Variants in LRRN2 observed in about 807,000 individuals in gnomAD.
LRRN2 encodes the protein leucine rich repeat neuronal 2.
LRRN2 carries 10 observed loss-of-function variants against 35.7 expected under a neutral mutation model. The observed-to-expected ratio is 0.28, with a 90% confidence interval of 0.17 to 0.47. The LOEUF (loss-of-function observed/expected upper bound fraction) is 0.47, where lower values mean the gene tolerates loss of function less well. Among genes scored for constraint, LRRN2 ranks in the 20% least tolerant of loss-of-function variants. The pLI is 0.99. For synonymous variants in LRRN2, 391 were observed against 409.6 expected (o/e 0.95, Z 0.55); for missense variants, 731 against 940.3 (o/e 0.78, Z 2.91).
rs79170731 is a variant in LRRN2, at chr1:204,647,318, T to C, written c.-226-27100A>G. Among the ~76,000 whole-genome samples the C allele has an allele frequency of 5.4e-3, 827 of 152,300 alleles. 13 individuals are homozygous for C. The highest frequency in any genetic ancestry group is 0.019 in the African/African-American group (776 of 41,546). ...AAGATGCATTCCACAGTATATTAGATACCACCACACTGTTACCCACATCTG... is the reference window on the plus strand; with the variant it reads ...AAGATGCATTCCACAGTATATTAGACACCACCACACTGTTACCCACATCTG... On this transcript the variant is annotated intron_variant, in intron 1 of 1. Transcript: ENST00000367177.
chr1:204,643,132 C>T (rs780910967), intron 1 of LRRN2, among the ~76,000 whole-genome samples: 1 of 152,228 alleles, frequency 6.6e-6, no homozygotes, highest in Non-Finnish European at 1.5e-5. Flanking sequence ...ACAATTACTT[C>T]ATCTGAGTTA....
chr1:204,684,318 G>A (rs540308555), intron 1 of LRRN2, among the ~76,000 whole-genome samples: 16 of 152,318 alleles, frequency 1.1e-4, no homozygotes, highest in African/African-American at 3.6e-4. Flanking sequence ...CAGTCGCCCA[G>A]TTAGAAGCTG....
At chr1:204,652,689 C>G (rs1287305523) in intron 1 of LRRN2, among the ~76,000 whole-genome samples, 1 of 152,192 alleles carries the variant, frequency 6.6e-6, no homozygotes, top group Non-Finnish European at 1.5e-5. Context: ...ATTTCTCAAA[C>G]TAAGAGCGTG....
At chr1:204,624,902 A>T (rs1166768195) in intron 1 of LRRN2, among the ~76,000 whole-genome samples, 2 of 152,186 alleles carry the variant, frequency 1.3e-5, no homozygotes, top group African/African-American at 2.4e-5. Flanking sequence ...AGCGTTGATA[A>T]ACTCCGGCCT....
intron 1 of LRRN2, 33 bp from the exon 2 acceptor site, chr1:204,620,251 G>T: frequency 1.5e-6 from 2 of 1,378,380 alleles, no homozygotes; most frequent in East Asian, 2.7e-5. Flanking sequence ...TAAGGAGGTT[G>T]CAGAGAAGCA....
intron 1 of LRRN2, chr1:204,626,770 A>C (rs1667405770): frequency 6.6e-6 from 1 of 152,178 alleles, no homozygotes; most frequent in South Asian, 2.1e-4. Context: ...GTGAATCACA[A>C]CCCATTAGTA....
intron 1 of LRRN2, among the ~76,000 whole-genome samples, chr1:204,683,899 G>C (rs148050545): frequency 6.6e-6 from 1 of 152,216 alleles, no homozygotes; most frequent in Non-Finnish European, 1.5e-5. Context: ...ACCCACATGT[G>C]GCTTTTTCTG....
At chr1:204,627,647 A>G (rs1667497162) in intron 1 of LRRN2, among the ~76,000 whole-genome samples, 1 of 152,236 alleles carries the variant, frequency 6.6e-6, no homozygotes, top group African/African-American at 2.4e-5. Context: ...GCACCAAAAA[A>G]GGCTGCAGGG....
intron 1 of LRRN2, among the ~76,000 whole-genome samples, chr1:204,683,777 T>C (rs1387428472): frequency 6.6e-6 from 1 of 152,116 alleles, no homozygotes; most frequent in South Asian, 2.1e-4. Flanking sequence ...AGGAGAAGCC[T>C]GAGTCAGCAC....
chr1:204,679,214 A>T (rs1668886791), intron 1 of LRRN2, among the ~76,000 whole-genome samples: 1 of 152,176 alleles, frequency 6.6e-6, no homozygotes, highest in South Asian at 2.1e-4. Flanking sequence ...GAGTGGTGAC[A>T]GCCAGGCAGG....
chr1:204,650,584 G>T (rs1252546933), intron 1 of LRRN2, among the ~76,000 whole-genome samples: 1 of 152,104 alleles, frequency 6.6e-6, no homozygotes, highest in Non-Finnish European at 1.5e-5. Flanking sequence ...TCCAGGAGGG[G>T]TTGCTTTGCC....
At chr1:204,678,231 G>A (rs1442043005) in intron 1 of LRRN2, among the ~76,000 whole-genome samples, 1 of 152,134 alleles carries the variant, frequency 6.6e-6, no homozygotes, top group Non-Finnish European at 1.5e-5. Context: ...TGCCTCCCCA[G>A]CTGATCAGTA....
chr1:204,675,244 T>C (rs1668801059), intron 1 of LRRN2, among the ~76,000 whole-genome samples: 1 of 152,238 alleles, frequency 6.6e-6, no homozygotes, highest in Admixed American at 6.5e-5. Flanking sequence ...AACTGGGTTC[T>C]GGTCCACCGC....
At chr1:204,624,994 G>A (rs964265931) in intron 1 of LRRN2, among the ~76,000 whole-genome samples, 3 of 152,246 alleles carry the variant, frequency 2.0e-5, no homozygotes, top group Admixed American at 2.0e-4. Context: ...CTGGCCTCCA[G>A]CTCCTCCTGG....
At chr1:204,620,431 T>A in intron 1 of LRRN2, 1 of 196,682 alleles carries the variant, frequency 5.1e-6, no homozygotes, top group Non-Finnish European at 1.1e-5. Flanking sequence ...CTGCCACCAC[T>A]CCTGGCTAAT....
At chr1:204,623,908 G>A (rs1667113355) in intron 1 of LRRN2, among the ~76,000 whole-genome samples, 1 of 152,234 alleles carries the variant, frequency 6.6e-6, no homozygotes, top group Non-Finnish European at 1.5e-5. Flanking sequence ...AACCCTGTGT[G>A]TAGGCAAGAA....
At chr1:204,684,193 AC>A (rs1318685455) in intron 1 of LRRN2, among the ~76,000 whole-genome samples, 1 of 151,976 alleles carries the variant, frequency 6.6e-6, no homozygotes, top group Non-Finnish European at 1.5e-5. Context: ...TACTGCCCTG[AC>A]CTAGGGAGGC....
chr1:204,634,294 A>C (rs1476038962), intron 1 of LRRN2, among the ~76,000 whole-genome samples: 6 of 152,238 alleles, frequency 3.9e-5, no homozygotes, highest in Non-Finnish European at 1.5e-5. Flanking sequence ...GGTCCTTGGG[A>C]ATAGAAGACG....
At chr1:204,656,725 G>A (rs190765554) in intron 1 of LRRN2, among the ~76,000 whole-genome samples, 2 of 152,312 alleles carry the variant, frequency 1.3e-5, no homozygotes, top group Admixed American at 1.3e-4. Context: ...TGCGTCTAGG[G>A]CTGCTGTTGA....
Sources: allele counts gnomAD v4.1 joint callset (sites outside exome capture counted in the v4.1 genomes callset), GRCh38; gene constraint gnomAD v4.1.1; transcripts MANE v1.5; gene names NCBI Gene and HGNC (gene_info 2026-07-23, HGNC 2026-07-21).